PCDHGA10: variants seen among roughly 807,000 people sequenced by gnomAD.
PCDHGA10 encodes the protein protocadherin gamma subfamily A, 10.
A neutral mutation model predicts 59.5 loss-of-function variants in PCDHGA10; 42 were observed. The observed-to-expected ratio is 0.71, with a 90% CI of 0.55 to 0.91. The LOEUF (loss-of-function observed/expected upper bound fraction) is 0.91, where lower values mean the gene tolerates loss of function less well. PCDHGA10 is among the 40% of genes least tolerant of loss of function. The pLI is 0.00. For synonymous variants in PCDHGA10, 511 were observed against 517.2 expected (o/e 0.99, Z 0.16); for missense variants, 1,111 against 1,198.2 (o/e 0.93, Z 1.07).
chr5:141,478,146 T>C (rs1457995929), intron 1 of PCDHGA10: 1 of 1,613,978 alleles, frequency 6.2e-7, no homozygotes, highest in Non-Finnish European at 8.5e-7. Context: ...CGAGCCGAGT[T>C]CCCCTCTGGC....
At chr5:141,467,649 T>C (rs2099147987) in intron 1 of PCDHGA10, among the ~76,000 whole-genome samples, 1 of 152,146 alleles carries the variant, frequency 6.6e-6, no homozygotes, top group Non-Finnish European at 1.5e-5. Flanking sequence ...TGTACCAAAC[T>C]TCTATAGTGC....
rs765185360 is a variant in PCDHGA10, at chr5:141,491,451, C to T, written c.2437-3356C>T. 1.2e-6 allele frequency: 2 copies of T among 1,614,112 alleles called. No individual in the cohort carries two copies. The highest frequency in any genetic ancestry group is 1.1e-5 in the South Asian group (1 of 91,082). On this transcript the variant is annotated intron_variant, in intron 1 of 3. Coordinates refer to ENST00000398610, the MANE Select transcript of PCDHGA10 (RefSeq NM_018913.3). This position sits in a 1 kb window ranked among gnomAD's most constrained non-coding sequence, Gnocchi z 6.9. ...AGTGCTGCAGGCGCCAGGACTCACC[C>T]TCCCCGGACTTCTATAAGCAGTCCA...
chr5:141,414,221 C>A lies in PCDHGA10; in HGVS notation c.1046C>A (p.Pro349Gln). The part of the protein sequence containing the change: ...ITVEDVNDNS[P>Q]ELTITSLFSP... ...GTAGAAGATGTAAATGACAACAGTC[C>A]AGAGCTGACCATCACGTCTCTATTT... is the stretch of plus-strand genomic sequence containing the variant. The change falls in exon 1 of 4, where the codon CCA becomes CAA. Residue 349 changes from proline to glutamine, a missense_variant. Pro to Gln is a moderately conservative substitution (Grantham distance 76, BLOSUM62 -1). Transcript: ENST00000398610. 6.2e-7 allele frequency: 1 copy of A among 1,613,126 alleles called. No individual in the cohort carries two copies. The highest frequency in any genetic ancestry group is 8.5e-7 in the Non-Finnish European group (1 of 1,179,644).
At chr5:141,480,722 C>T (rs1002559431) in intron 1 of PCDHGA10, among the ~76,000 whole-genome samples, 1 of 152,174 alleles carries the variant, frequency 6.6e-6, no homozygotes, top group African/African-American at 2.4e-5. Flanking sequence ...AAAGCACAGT[C>T]TCTGGGGGTG....
intron 1 of PCDHGA10, chr5:141,423,496 G>A (rs1049120602): frequency 1.2e-6 from 2 of 1,613,804 alleles, no homozygotes; most frequent in African/African-American, 1.3e-5. Flanking sequence ...CTATTCCCAC[G>A]AGGTCTCTCT....
chr5:141,490,045 C>T lies in PCDHGA10; in HGVS notation c.2437-4762C>T, dbSNP rs530803072. On this transcript the variant is annotated intron_variant, in intron 1 of 3. Transcript: ENST00000398610. The surrounding 1 kb of genome is among the most constrained non-coding windows in gnomAD (Gnocchi z 5.4). ...GCTGCTCCGCCTCAATGCCACTGAT[C>T]CAGACGAGGGCACCAACGGCCAACT... 1.2e-5 allele frequency: 19 copies of T among 1,614,114 alleles called. No individual in the cohort carries two copies. Among genetic ancestry groups the T allele is most frequent in the Admixed American group, 1.2e-4 (7 of 60,014 alleles).
intron 1 of PCDHGA10, chr5:141,441,943 C>CT: frequency 1.2e-5 from 4 of 336,004 alleles, no homozygotes; most frequent in South Asian, 1.1e-4. Flanking sequence ...CTACCACGTG[C>CT]TGCAGGCCAG....
rs532675537 is a variant in PCDHGA10, at chr5:141,508,584, T to C, written c.2585-2363T>C. Among the ~76,000 whole-genome samples, 87 of 152,266 alleles carry C rather than the reference T, an allele frequency of 5.7e-4. 1 individual carries two copies. Among genetic ancestry groups the C allele is most frequent in the African/African-American group, 1.6e-3 (66 of 41,552 alleles). On this transcript the variant is annotated intron_variant, in intron 3 of 3. Coordinates refer to ENST00000398610, the MANE Select transcript of PCDHGA10 (RefSeq NM_018913.3). The stretch of plus-strand genomic sequence containing the variant: ...TGTCACTTGCACCCACTCGGGGTGC[T>C]ACTCAGAGATCTTGGGTGCACATAG...
In PCDHGA10 at chr5:141,491,443, G is replaced by C. The variant is rs955584868; in HGVS notation, c.2437-3364G>C. On this transcript the variant is annotated intron_variant, in intron 1 of 3. Transcript: ENST00000398610. This position sits in a 1 kb window ranked among gnomAD's most constrained non-coding sequence, Gnocchi z 6.9. ...TGGAGGGCAGTGCTGCAGGCGCCAG[G>C]ACTCACCCTCCCCGGACTTCTATAA... 1 of 1,613,998 alleles carries C rather than the reference G, an allele frequency of 6.2e-7. No homozygotes were observed. Among genetic ancestry groups the C allele is most frequent in the Admixed American group, 1.7e-5 (1 of 60,000 alleles).
chr5:141,419,192 G>A (rs772847766), intron 1 of PCDHGA10: 65 of 1,613,816 alleles, frequency 4.0e-5, no homozygotes, highest in Middle Eastern at 1.6e-4. Context: ...CATTACTGAC[G>A]TCAATGACAA....
intron 1 of PCDHGA10, chr5:141,427,178 A>G (rs1175390589): frequency 4.4e-6 from 2 of 456,644 alleles, no homozygotes; most frequent in Admixed American, 2.3e-5. Flanking sequence ...AAAATGGGGA[A>G]ATTAAATCCA....
At chr5:141,417,710 T>A in intron 1 of PCDHGA10, 2 of 1,249,348 alleles carry the variant, frequency 1.6e-6, no homozygotes, top group Admixed American at 5.9e-5. Context: ...ACACAGAGGC[T>A]CCCGGCTGCG....
chr5:141,474,563 A>G lies in PCDHGA10; in HGVS notation c.2437-20244A>G, dbSNP rs143794984. 1.4e-3 allele frequency among the ~76,000 whole-genome samples: 210 copies of G among 152,332 alleles called. 2 individuals are homozygous for G. The highest frequency in any genetic ancestry group is 5.0e-3 in the African/African-American group (207 of 41,572). ...TGAGCATTTAAAACTGGGGGTTTTC[A>G]GAGATTAATTGAAGTGTTAAAGACA... On this transcript the variant is annotated intron_variant, in intron 1 of 3. Coordinates refer to ENST00000398610, the MANE Select transcript of PCDHGA10 (RefSeq NM_018913.3).
intron 2 of PCDHGA10, among the ~76,000 whole-genome samples, chr5:141,501,690 A>G (rs760011264): frequency 5.3e-5 from 8 of 152,158 alleles, no homozygotes; most frequent in Non-Finnish European, 1.0e-4. Context: ...ACTTATCTGC[A>G]GGGTGATTCC....
At position 141,489,505 on chromosome 5, in the gene PCDHGA10, A is replaced by G. The variant is rs1198371307; in HGVS notation, c.2437-5302A>G. On this transcript the variant is annotated intron_variant, in intron 1 of 3. Transcript: ENST00000398610. The surrounding 1 kb of genome is among the most constrained non-coding windows in gnomAD (Gnocchi z 4.5). ...GAGTGGTGCCCTGGCAGTGAATCAA[A>G]AGATTGACCGAGAAAGCCTATGTGG... The G allele has an allele frequency of 1.9e-6, 3 of 1,613,972 alleles. No homozygotes were observed. The Admixed American group carries it at 5.0e-5, about 27-fold the overall frequency.
At position 141,414,773 on chromosome 5, in the gene PCDHGA10, A is replaced by G; in HGVS notation, c.1598A>G (p.Gln533Arg). The change falls in exon 1 of 4, where the codon CAG (glutamine) becomes CGG (arginine). Residue 533 changes from glutamine to arginine, a missense_variant. Physicochemically the swap from Gln to Arg is conservative, Grantham distance 43 (BLOSUM62 1). Transcript: ENST00000398610. The part of the protein sequence containing the change: ...SFDYEQFHEL[Q>R]MQVTASDSGD... ...GACTATGAGCAGTTTCATGAGCTACAGATGCAGGTGACAGCCAGCGACAGC... is the reference window on the plus strand; with the variant it reads ...GACTATGAGCAGTTTCATGAGCTACGGATGCAGGTGACAGCCAGCGACAGC... The G allele has an allele frequency of 6.2e-7, 1 of 1,614,204 alleles. No homozygotes were observed. Among genetic ancestry groups the G allele is most frequent in the Non-Finnish European group, 8.5e-7 (1 of 1,180,034 alleles).
intron 1 of PCDHGA10, 48 bp from the exon 2 acceptor site, chr5:141,494,759 C>CT: frequency 6.2e-7 from 1 of 1,613,886 alleles, no homozygotes; most frequent in Non-Finnish European, 8.5e-7. Flanking sequence ...GGGTGACATT[C>CT]TAACTTCTCA....
Position 141,485,072 on chromosome 5 carries a change from G to C in PCDHGA10, c.2437-9735G>C. 1.1e-6 allele frequency: 1 copy of C among 917,012 alleles called. No individual in the cohort carries two copies. The highest frequency in any genetic ancestry group is 1.7e-6 in the Non-Finnish European group (1 of 587,880). 56.8% of individuals were successfully genotyped at this position (917,012 alleles called of 1,614,324 possible). On this transcript the variant is annotated intron_variant, in intron 1 of 3. Coordinates refer to ENST00000398610, the MANE Select transcript of PCDHGA10 (RefSeq NM_018913.3). The surrounding 1 kb of genome is among the most constrained non-coding windows in gnomAD (Gnocchi z 5.7). ...CCGGCCGAACCGCGCCAGAGCTGGCGCGGGGAAAGGGAGATAGGTGTCTCC... is the reference window on the plus strand; with the variant it reads ...CCGGCCGAACCGCGCCAGAGCTGGCCCGGGGAAAGGGAGATAGGTGTCTCC...
chr5:141,425,555 A>C (rs1282440598), intron 1 of PCDHGA10, among the ~76,000 whole-genome samples: 2 of 152,388 alleles, frequency 1.3e-5, no homozygotes, highest in Middle Eastern at 6.8e-3. Context: ...AACCTCTTTT[A>C]TAAGTGATAA....
Sources: gnomAD v4.1 joint callset for allele counts (sites outside exome capture counted in the v4.1 genomes callset) on GRCh38, gnomAD v4.1.1 for gene constraint, Gnocchi (gnomAD v3.1) non-coding constraint, MANE v1.5 for transcripts, NCBI Gene and HGNC (gene_info 2026-07-23, HGNC 2026-07-21) for gene names.